FHIT: variants seen among roughly 807,000 people sequenced by gnomAD.
FHIT encodes the protein fragile histidine triad diadenosine triphosphatase, also known as bis(5'-adenosyl)-triphosphatase.
In FHIT, 19 loss-of-function variants were observed where a neutral mutation model predicts 17.9. That is an observed-to-expected ratio of 1.06 (90% confidence interval 0.74 to 1.56). FHIT has a LOEUF of 1.56. Among genes scored for constraint, FHIT ranks in the 40% most tolerant of loss-of-function variants. The pLI is 0.00. For synonymous variants in FHIT, 81 were observed against 69.7 expected (o/e 1.16, Z -0.81); for missense variants, 248 against 189.2 (o/e 1.31, Z -1.82).
intron 4 of FHIT, among the ~76,000 whole-genome samples, chr3:60,563,525 G>A (rs1453040707): frequency 6.6e-6 from 1 of 152,204 alleles, no homozygotes; most frequent in Non-Finnish European, 1.5e-5. Context: ...CCAAAAGCTA[G>A]GCCTCTTGGG....
At chr3:60,714,190 T>C (rs1553705982) in intron 4 of FHIT, among the ~76,000 whole-genome samples, 1 of 152,168 alleles carries the variant, frequency 6.6e-6, no homozygotes, top group Non-Finnish European at 1.5e-5. Flanking sequence ...AACCATACGA[T>C]TATCTCAATA....
chr3:60,661,445 C>T (rs1553691131), intron 4 of FHIT, among the ~76,000 whole-genome samples: 1 of 152,054 alleles, frequency 6.6e-6, no homozygotes, highest in Non-Finnish European at 1.5e-5. Flanking sequence ...TCTTTATCCA[C>T]TCATTAACTG....
At chr3:60,924,661 C>A (rs138994236) in intron 3 of FHIT, among the ~76,000 whole-genome samples, 3 of 152,142 alleles carry the variant, frequency 2.0e-5, no homozygotes, top group African/African-American at 7.2e-5. Flanking sequence ...CTCTCCTCCT[C>A]GAAAGGAACG....
intron 7 of FHIT, among the ~76,000 whole-genome samples, chr3:59,944,524 T>A (rs908090509): frequency 2.0e-5 from 3 of 151,224 alleles, no homozygotes; most frequent in South Asian, 2.1e-4. Flanking sequence ...CTTTTTTTTT[T>A]ATTTAAACTT....
chr3:61,153,969 G>A (rs913648040), intron 2 of FHIT, among the ~76,000 whole-genome samples: 3 of 152,152 alleles, frequency 2.0e-5, no homozygotes, highest in Non-Finnish European at 4.4e-5. Context: ...TTGCAACTAT[G>A]TATATCTCCT....
At chr3:60,503,428 A>T (rs2107527921) in intron 5 of FHIT, among the ~76,000 whole-genome samples, 1 of 152,308 alleles carries the variant, frequency 6.6e-6, no homozygotes, top group Admixed American at 6.5e-5. Flanking sequence ...AAGAAGGCCT[A>T]TGATAGCAAA....
chr3:60,227,807 T>C (rs1031398796), intron 5 of FHIT, among the ~76,000 whole-genome samples: 1 of 152,170 alleles, frequency 6.6e-6, no homozygotes, highest in African/African-American at 2.4e-5. Context: ...GGCTTCCAAC[T>C]CCAAGAACTT....
At chr3:60,871,564 T>C (rs1704418512) in intron 3 of FHIT, among the ~76,000 whole-genome samples, 1 of 152,180 alleles carries the variant, frequency 6.6e-6, no homozygotes, top group African/African-American at 2.4e-5. Flanking sequence ...GGACTCTGTA[T>C]AAATAAGGAA....
In FHIT at chr3:60,222,480, T is replaced by C. The variant is rs541719875; in HGVS notation, c.104-208328A>G. On this transcript the variant is annotated intron_variant, in intron 5 of 9. Coordinates refer to ENST00000492590, the MANE Select transcript of FHIT (RefSeq NM_002012.4). ...CATTAGGTTGGTGCAAAATTAATTGTGGTTCTTGCCATTAAAAGTAATGGC... is the reference window on the plus strand; with the variant it reads ...CATTAGGTTGGTGCAAAATTAATTGCGGTTCTTGCCATTAAAAGTAATGGC... Among the ~76,000 whole-genome samples the C allele has an allele frequency of 3.9e-5, 6 of 152,248 alleles. No individual in the cohort carries two copies. The South Asian group carries it at 1.2e-3, about 32-fold the overall frequency.
chr3:60,883,528 G>C (rs1239525722), intron 3 of FHIT, among the ~76,000 whole-genome samples: 1 of 152,050 alleles, frequency 6.6e-6, no homozygotes, highest in Non-Finnish European at 1.5e-5. Context: ...ACATAGACCA[G>C]TGGAACAGAA....
At chr3:60,937,416 A>G (rs1708235633) in intron 3 of FHIT, among the ~76,000 whole-genome samples, 1 of 152,130 alleles carries the variant, frequency 6.6e-6, no homozygotes, top group African/African-American at 2.4e-5. Context: ...GGCAGAAATT[A>G]CCCCTAATGT....
At chr3:59,987,204 A>ATATT (rs1553641971) in intron 7 of FHIT, among the ~76,000 whole-genome samples, 28 of 148,064 alleles carry the variant, frequency 1.9e-4, no homozygotes, top group Non-Finnish European at 3.6e-4. Flanking sequence ...AATCCTATAT[A>ATATT]TATTTATTTA....
intron 2 of FHIT, among the ~76,000 whole-genome samples, chr3:61,166,481 G>A (rs73839937): frequency 6.6e-6 from 1 of 152,324 alleles, no homozygotes; most frequent in African/African-American, 2.4e-5. Flanking sequence ...ATCCTGGAAT[G>A]TGGTTCTTAT....
intron 8 of FHIT, among the ~76,000 whole-genome samples, chr3:59,908,034 C>A (rs1237585287): frequency 6.6e-6 from 1 of 152,150 alleles, no homozygotes; most frequent in Non-Finnish European, 1.5e-5. Flanking sequence ...AAGGTCATCT[C>A]CTTATCTTAA....
chr3:59,779,188 T>TA (rs56933391), intron 8 of FHIT, among the ~76,000 whole-genome samples: 5,737 of 152,270 alleles, frequency 0.038, 151 homozygotes, highest in South Asian at 0.091. Flanking sequence ...AGCTTGGACA[T>TA]AAAGACTTTC....
intron 3 of FHIT, among the ~76,000 whole-genome samples, chr3:60,932,660 C>T (rs1575713563): frequency 1.3e-5 from 2 of 152,164 alleles, no homozygotes; most frequent in African/African-American, 4.8e-5. Flanking sequence ...TAATTCTGTT[C>T]TCTGTCTTTG....
At chr3:61,104,086 A>C (rs768492262) in intron 2 of FHIT, among the ~76,000 whole-genome samples, 1 of 151,902 alleles carries the variant, frequency 6.6e-6, no homozygotes, top group African/African-American at 2.4e-5. Flanking sequence ...AGTATTGATA[A>C]TTGTGGATTT....
intron 2 of FHIT, among the ~76,000 whole-genome samples, chr3:61,164,444 T>A (rs2037778871): frequency 6.6e-6 from 1 of 152,180 alleles, no homozygotes; most frequent in Non-Finnish European, 1.5e-5. Context: ...CAGGTGAAAC[T>A]GATGCTTGTT....
At chr3:60,390,673 G>A (rs1044015363) in intron 5 of FHIT, among the ~76,000 whole-genome samples, 14 of 151,788 alleles carry the variant, frequency 9.2e-5, no homozygotes, top group Admixed American at 7.2e-4. Flanking sequence ...CTGACCTGGC[G>A]CACGCCTAGG....
Sources: allele counts gnomAD v4.1 joint callset (sites outside exome capture counted in the v4.1 genomes callset), GRCh38; gene constraint gnomAD v4.1.1; transcripts MANE v1.5; gene names NCBI Gene and HGNC (gene_info 2026-07-23, HGNC 2026-07-21).